Variants in MAGI2 observed in about 807,000 individuals in gnomAD.
MAGI2 encodes membrane associated guanylate kinase, WW and PDZ domain containing 2.
MAGI2 carries 35 observed loss-of-function variants against 133.3 expected under a neutral mutation model. The observed-to-expected ratio is 0.26, with a 90% CI of 0.20 to 0.35. The LOEUF (loss-of-function observed/expected upper bound fraction) is 0.35. Ranked by LOEUF, MAGI2 falls within the 10% of genes least tolerant of loss-of-function variation. The probability of loss-of-function intolerance (pLI) is 1.00; values close to 1 mark genes in which losing one functional copy is unlikely to be tolerated. For missense variants in MAGI2, 1,636 were observed against 1,863.4 expected (o/e 0.88, Z 2.25); for synonymous variants, 729 against 710.6 (o/e 1.03, Z -0.41).
intron 2 of MAGI2, among the ~76,000 whole-genome samples, chr7:78,915,379 A>C (rs972305667): frequency 2.0e-5 from 3 of 152,144 alleles, no homozygotes; most frequent in African/African-American, 7.2e-5. Flanking sequence ...TGAATTAGGC[A>C]TTGAGTTCCA....
intron 6 of MAGI2, among the ~76,000 whole-genome samples, chr7:78,379,607 T>A (rs1404082833): frequency 6.6e-6 from 1 of 152,054 alleles, no homozygotes; most frequent in Non-Finnish European, 1.5e-5. Flanking sequence ...ACTTTGACTA[T>A]TTTCAGTCTA....
intron 10 of MAGI2, among the ~76,000 whole-genome samples, chr7:78,235,292 GGCT>G (rs1159722833): frequency 7.9e-5 from 12 of 151,968 alleles, no homozygotes; most frequent in Admixed American, 6.6e-4. Flanking sequence ...GTAAATTTTG[GGCT>G]GCATGCTCAA....
chr7:78,327,813 A>C (rs971434188), intron 9 of MAGI2, among the ~76,000 whole-genome samples: 2 of 152,192 alleles, frequency 1.3e-5, no homozygotes, highest in Non-Finnish European at 2.9e-5. Flanking sequence ...GAACAAGATT[A>C]GTCGATGACA....
At chr7:79,316,100 C>CA (rs575636402) in intron 1 of MAGI2, among the ~76,000 whole-genome samples, 244 of 152,056 alleles carry the variant, frequency 1.6e-3, no homozygotes, top group Non-Finnish European at 2.9e-3. Context: ...CCTCAAAATT[C>CA]AAAAAGGATG....
At chr7:78,256,659 A>AC (rs1793012400) in intron 9 of MAGI2, 78 bp from the exon 10 acceptor site, 2 of 1,203,550 alleles carry the variant, frequency 1.7e-6, no homozygotes, top group African/African-American at 1.5e-5. Flanking sequence ...TATTTACGAG[A>AC]CTAGTGAGAG....
chr7:79,360,574 C>T (rs1012725100), intron 1 of MAGI2, among the ~76,000 whole-genome samples: 3 of 151,660 alleles, frequency 2.0e-5, no homozygotes, highest in Admixed American at 1.3e-4. Context: ...TATTTAAAAG[C>T]GGGGTAGGAA....
chr7:78,314,900 T>C (rs1787243701), intron 9 of MAGI2, among the ~76,000 whole-genome samples: 2 of 152,172 alleles, frequency 1.3e-5, no homozygotes, highest in Admixed American at 1.3e-4. Flanking sequence ...TATTAGAGGA[T>C]AGGACACGGA....
chr7:79,129,825 T>C (rs561075518), intron 1 of MAGI2, among the ~76,000 whole-genome samples: 1 of 152,278 alleles, frequency 6.6e-6, no homozygotes, highest in South Asian at 2.1e-4. Flanking sequence ...AGCAAGAAGA[T>C]AAAGGTGTGA....
chr7:78,905,753 G>T (rs1451517901), intron 2 of MAGI2, among the ~76,000 whole-genome samples: 1 of 152,164 alleles, frequency 6.6e-6, no homozygotes. Context: ...AGGTGATTTG[G>T]ATTGTTGCTT....
At chr7:79,267,666 C>T (rs1420172077) in intron 1 of MAGI2, among the ~76,000 whole-genome samples, 2 of 152,120 alleles carry the variant, frequency 1.3e-5, no homozygotes, top group East Asian at 3.9e-4. Flanking sequence ...TTTCCCTCCC[C>T]TCCTGAAGGT....
chr7:79,030,770 A>T (rs10228655), intron 1 of MAGI2, among the ~76,000 whole-genome samples: 16 of 152,254 alleles, frequency 1.1e-4, no homozygotes, highest in Middle Eastern at 3.4e-3. Context: ...TCCCAGAATT[A>T]TTCTTGGGAT....
chr7:78,224,774 C>T (rs1178256638), intron 10 of MAGI2, among the ~76,000 whole-genome samples: 1 of 151,206 alleles, frequency 6.6e-6, no homozygotes, highest in African/African-American at 2.4e-5. Context: ...GACAGTTTTC[C>T]ACCTTTGTCC....
At chr7:78,232,515 T>C (rs1563298886) in intron 10 of MAGI2, among the ~76,000 whole-genome samples, 1 of 152,170 alleles carries the variant, frequency 6.6e-6, no homozygotes, top group Non-Finnish European at 1.5e-5. Context: ...CGGTGATCAT[T>C]TGGTGTGTGC....
chr7:79,057,645 G>A (rs1329092032), intron 1 of MAGI2, among the ~76,000 whole-genome samples: 1 of 151,998 alleles, frequency 6.6e-6, no homozygotes. Flanking sequence ...TATCTTATCG[G>A]TCTTGAGGTA....
chr7:78,781,157 T>C (rs1051266537), intron 2 of MAGI2, among the ~76,000 whole-genome samples: 3 of 152,114 alleles, frequency 2.0e-5, no homozygotes, highest in Non-Finnish European at 2.9e-5. Flanking sequence ...GGCGGGCAGA[T>C]CACGAGGTCA....
intron 3 of MAGI2, among the ~76,000 whole-genome samples, chr7:78,584,811 C>T (rs1252021616): frequency 1.3e-5 from 2 of 152,148 alleles, no homozygotes; most frequent in African/African-American, 4.8e-5. Context: ...CACTAACTAG[C>T]TGTTTTATTG....
At chr7:78,826,015 G>A (rs935534470) in intron 2 of MAGI2, among the ~76,000 whole-genome samples, 4 of 152,110 alleles carry the variant, frequency 2.6e-5, no homozygotes, top group Non-Finnish European at 4.4e-5. Context: ...GTGATAAAAA[G>A]AAATAAGCTT....
rs139361096 is a variant in MAGI2, at chr7:78,429,642, T to G, written c.1045+60119A>C. 1.4e-3 allele frequency among the ~76,000 whole-genome samples: 214 copies of G among 152,166 alleles called. 7 individuals are homozygous for G. In the East Asian group the frequency reaches 0.04, roughly 28 times the overall value. ...TTTCTTAGTAATTTAAATGCCATTATTCAAGACGTTTTTTCGAAAGGCACA... is the reference window on the plus strand; with the variant it reads ...TTTCTTAGTAATTTAAATGCCATTAGTCAAGACGTTTTTTCGAAAGGCACA... On this transcript the variant is annotated intron_variant, in intron 6 of 21. Coordinates refer to ENST00000354212, the MANE Select transcript of MAGI2 (RefSeq NM_012301.4).
intron 6 of MAGI2, among the ~76,000 whole-genome samples, chr7:78,435,970 G>A (rs1370634266): frequency 6.6e-6 from 1 of 152,146 alleles, no homozygotes; most frequent in Non-Finnish European, 1.5e-5. Flanking sequence ...GGTCAAATGG[G>A]AAACAGGGAA....
Sources: gnomAD v4.1 joint callset for allele counts (sites outside exome capture counted in the v4.1 genomes callset) on GRCh38, gnomAD v4.1.1 for gene constraint, MANE v1.5 for transcripts, NCBI Gene and HGNC (gene_info 2026-07-23, HGNC 2026-07-21) for gene names.